Variants in RAB42 observed in about 807,000 individuals in gnomAD.
RAB42 encodes the protein ras-related protein Rab-42.
In RAB42, 4 loss-of-function variants were observed where a neutral mutation model predicts 7.5. That is an observed-to-expected ratio of 0.53 (90% CI 0.26 to 1.22). The LOEUF (loss-of-function observed/expected upper bound fraction) is 1.22. RAB42 is among the 50% of genes most tolerant of loss of function. The pLI is 0.13. For synonymous variants in RAB42, 82 were observed against 129.0 expected, an observed-to-expected ratio of 0.64 and a Z score of 2.47; for missense variants, 208 against 281.2, an observed-to-expected ratio of 0.74 and a Z score of 1.86.
chr1:28,593,508 G>A (rs1003226400), intron 1 of RAB42, among the ~76,000 whole-genome samples, 186 bp from the exon 2 acceptor site: 1 of 152,172 alleles, frequency 6.6e-6, no homozygotes. Flanking sequence ...CACCGCACCC[G>A]GCCAGCACCC....
In RAB42 at chr1:28,592,471, G is replaced by C. The variant is rs967467999; in HGVS notation, c.-41G>C. 30 of 1,098,298 alleles carry C rather than the reference G, an allele frequency of 2.7e-5. No homozygotes were observed. In the African/African-American group the frequency reaches 3.3e-4, roughly 12 times the overall value. The allele number at this position is 1,098,298 out of a possible 1,614,324, so 68.0% of individuals were successfully genotyped here. On this transcript the variant is annotated 5_prime_UTR_variant, in exon 1 of 2. Coordinates refer to ENST00000465518, the MANE Select transcript of RAB42 (RefSeq NM_001193532.3). This position sits in a 1 kb window ranked among gnomAD's most constrained non-coding sequence, Gnocchi z 4.1. ...CCGGGCAGGGGCGGGGTCGGGGCGC[G>C]GACAAAACCGCCGCGGGGCGGCGGG...
At position 28,592,773 on chromosome 1, in the gene RAB42, T is replaced by C. The variant is rs528680167; in HGVS notation, c.233+29T>C. 1.5e-3 allele frequency: 1,651 copies of C among 1,106,270 alleles called. 2 individuals are homozygous for C. The highest frequency in any genetic ancestry group is 1.7e-3 in the Non-Finnish European group (1,522 of 873,878). 68.5% of individuals were successfully genotyped at this position (1,106,270 alleles called of 1,614,324 possible). Reference sequence around the variant, plus strand: ...CGGGTAGCCGGGGCGCGGGAGGGACTTCTGGTGGGGGGCTCGGTGAGCGTG... The same window carrying C: ...CGGGTAGCCGGGGCGCGGGAGGGACCTCTGGTGGGGGGCTCGGTGAGCGTG... On this transcript the variant is annotated intron_variant, in intron 1 of 1. Transcript: ENST00000465518. The surrounding 1 kb of genome is among the most constrained non-coding windows in gnomAD (Gnocchi z 4.1).
intron 1 of RAB42, among the ~76,000 whole-genome samples, chr1:28,593,358 C>G (rs1014608449): frequency 3.9e-5 from 6 of 152,130 alleles, no homozygotes; most frequent in Non-Finnish European, 8.8e-5. Context: ...CGCCCGCCAC[C>G]ACGCCCGGCT....
chr1:28,594,118 C>A lies in RAB42; in HGVS notation c.*1C>A. 6.4e-7 allele frequency: 1 copy of A among 1,573,286 alleles called. No individual in the cohort carries two copies. Among genetic ancestry groups the A allele is most frequent in the African/African-American group, 1.3e-5 (1 of 74,104 alleles). The stretch of plus-strand genomic sequence containing the variant: ...GCACTCAGGCCCATGCCAGTGTTGA[C>A]TCTAGGAGAGAAAGGGTTAAAGCAG... On this transcript the variant is annotated 3_prime_UTR_variant, in exon 2 of 2. Transcript: ENST00000465518.
rs1666337814 is a variant in RAB42, at chr1:28,592,547, C to T, written c.36C>T (p.Val12=). 4.1e-6 allele frequency: 5 copies of T among 1,214,630 alleles called. No individual in the cohort carries two copies. Among genetic ancestry groups the T allele is most frequent in the South Asian group, 4.1e-5 (1 of 24,214 alleles). The allele number at this position is 1,214,630 out of a possible 1,614,324, so 75.2% of individuals were successfully genotyped here. A position where few individuals can be genotyped will look rare whatever the true frequency, so the allele number is the denominator to read the frequency against. ...EAEGCRYQFR[V]ALLGDAAVGK... The stretch of plus-strand genomic sequence containing the variant: ...AGGGCTGCCGCTACCAATTTCGGGT[C>T]GCGCTGCTGGGGGACGCGGCGGTGG... Residue 12 remains valine (V), a synonymous_variant, in exon 1 of 2, where the codon GTC becomes GTT. Transcript: ENST00000465518. This position sits in a 1 kb window ranked among gnomAD's most constrained non-coding sequence, Gnocchi z 4.1.
At position 28,592,653 on chromosome 1, in the gene RAB42, G is replaced by C. The variant is rs1666342536; in HGVS notation, c.142G>C (p.Gly48Arg). 29 of 1,227,226 alleles carry C rather than the reference G, an allele frequency of 2.4e-5. No homozygotes were observed. Among genetic ancestry groups the C allele is most frequent in the South Asian group, 2.1e-4 (5 of 24,292 alleles). 76.0% of individuals were successfully genotyped at this position (1,227,226 alleles called of 1,614,324 possible). Residue 48 changes from glycine to arginine, a missense_variant, in exon 1 of 2, where the codon GGC (glycine) becomes CGC (arginine). Coordinates refer to ENST00000465518, the MANE Select transcript of RAB42 (RefSeq NM_001193532.3). This position sits in a 1 kb window ranked among gnomAD's most constrained non-coding sequence, Gnocchi z 4.1. Reference protein sequence around the residue: ...EPEPEPEPTVGAECYRRALQL... With the variant: ...EPEPEPEPTVRAECYRRALQL... ...GGAGCCCGAGCCCGAGCCCACGGTGGGCGCCGAGTGCTACCGCCGCGCGCT... is the reference window on the plus strand; with the variant it reads ...GGAGCCCGAGCCCGAGCCCACGGTGCGCGCCGAGTGCTACCGCCGCGCGCT...
Position 28,594,288 on chromosome 1 carries a change from C to A in RAB42, c.*171C>A. On this transcript the variant is annotated 3_prime_UTR_variant, in exon 2 of 2. Transcript: ENST00000465518. ...GAGGCTTTCTACAGAAAAGAAAGTT[C>A]TGATGGCCAGGCATGGTGGCTCACG... is the stretch of plus-strand genomic sequence containing the variant. 1 of 712,018 alleles carries A rather than the reference C, an allele frequency of 1.4e-6. No homozygotes were observed. The highest frequency in any genetic ancestry group is 2.2e-6 in the Non-Finnish European group (1 of 445,058). The allele number at this position is 712,018 out of a possible 1,614,324, so 44.1% of individuals were successfully genotyped here.
intron 1 of RAB42, 77 bp from the exon 2 acceptor site, chr1:28,593,617 A>G: frequency 1.4e-6 from 2 of 1,414,276 alleles, no homozygotes; most frequent in Non-Finnish European, 1.9e-6. Context: ...TCCCAGGGGG[A>G]GGAGGTCCTG....
In RAB42 at chr1:28,594,175, A is replaced by C. The variant is rs1382551034; in HGVS notation, c.*58A>C. On this transcript the variant is annotated 3_prime_UTR_variant, in exon 2 of 2. Transcript: ENST00000465518. ...CCTTAGCCCACCTGGTGGGATGGGG[A>C]GTGTTAATATCTCTCTGGAGGACAA... is the stretch of plus-strand genomic sequence containing the variant. 6.9e-7 allele frequency: 1 copy of C among 1,443,360 alleles called. No individual in the cohort carries two copies. Among genetic ancestry groups the C allele is most frequent in the Admixed American group, 2.4e-5 (1 of 41,426 alleles). 89.4% of individuals were successfully genotyped at this position (1,443,360 alleles called of 1,614,324 possible).
In RAB42 at chr1:28,593,611, A is replaced by AG. The variant is rs1181820905; in HGVS notation, c.234-78dup. On this transcript the variant is annotated intron_variant, in intron 1 of 1. Transcript: ENST00000465518. ...GGGTGTGAGGCATTCTGTGGATCCC[A>AG]GGGGGAGGAGGTCCTGCCTCTGGGG... 2.2e-5 allele frequency: 31 copies of AG among 1,399,286 alleles called. No individual in the cohort carries two copies. The South Asian group carries it at 2.4e-4, about 11-fold the overall frequency. The allele number at this position is 1,399,286 out of a possible 1,614,324, so 86.7% of individuals were successfully genotyped here.
chr1:28,596,634 A>C (rs1331967260), downstream of RAB42, among the ~76,000 whole-genome samples: 1 of 152,150 alleles, frequency 6.6e-6, no homozygotes, highest in African/African-American at 2.4e-5. Flanking sequence ...AAAACAAATA[A>C]ATAAAAATAA....
Position 28,593,799 on chromosome 1 carries a change from C to T in RAB42, c.339C>T (p.Val113=). 1.9e-6 allele frequency: 3 copies of T among 1,558,064 alleles called. No homozygotes were observed. Among genetic ancestry groups the T allele is most frequent in the Non-Finnish European group, 2.6e-6 (3 of 1,150,726 alleles). ...FEHIQDWHQE[V]MATQGPDKVI... ...ACATCCAAGACTGGCACCAGGAGGTCATGGCCACTCAGGGCCCGGACAAGG... is the reference window on the plus strand; with the variant it reads ...ACATCCAAGACTGGCACCAGGAGGTTATGGCCACTCAGGGCCCGGACAAGG... The change falls in exon 2 of 2, where the codon GTC becomes GTT. Residue 113 remains valine, a synonymous_variant. Coordinates refer to ENST00000465518, the MANE Select transcript of RAB42 (RefSeq NM_001193532.3).
At chr1:28,596,504 C>A (rs1666435305), downstream of RAB42, among the ~76,000 whole-genome samples, 1 of 152,140 alleles carries the variant, frequency 6.6e-6, no homozygotes, top group Non-Finnish European at 1.5e-5. Context: ...TACCTGTAAT[C>A]CCAGCTACCG....
intron 1 of RAB42, 57 bp from the exon 2 acceptor site, chr1:28,593,637 G>C: frequency 2.0e-6 from 3 of 1,468,196 alleles, no homozygotes; most frequent in African/African-American, 1.4e-5. Flanking sequence ...GCCTCTGGGG[G>C]TGTCATGGAG....
intron 1 of RAB42, among the ~76,000 whole-genome samples, chr1:28,593,453 C>A (rs1666364066): frequency 6.6e-6 from 1 of 152,142 alleles, no homozygotes; most frequent in African/African-American, 2.4e-5. Context: ...TGATCCACAT[C>A]CACCCGCCTC....
In RAB42 at chr1:28,594,098, C is replaced by G; in HGVS notation, c.638C>G (p.Ser213Ter). 6.3e-7 allele frequency: 1 copy of G among 1,597,914 alleles called. No individual in the cohort carries two copies. The highest frequency in any genetic ancestry group is 1.1e-5 in the South Asian group (1 of 87,912). ...AGGTCCCCCAGCAGGAAGCAGCACTCAGGCCCATGCCAGTGTTGACTCTAG... is the reference window on the plus strand; with the variant it reads ...AGGTCCCCCAGCAGGAAGCAGCACTGAGGCCCATGCCAGTGTTGACTCTAG... Reference protein sequence around the residue: ...IPRSPSRKQHSGPCQC With the variant: ...IPRSPSRKQH Residue 213 changes from serine (S) to a stop codon, truncating the protein, a stop_gained, in exon 2 of 2, where the codon TCA becomes TGA. Coordinates refer to ENST00000465518, the MANE Select transcript of RAB42 (RefSeq NM_001193532.3). LOFTEE classifies it high-confidence loss of function.
At position 28,595,350 on chromosome 1, in the gene RAB42, A is replaced by T. The variant is rs1666416436; in HGVS notation, c.*1233A>T. 1 of 167,158 alleles carries T rather than the reference A, an allele frequency of 6.0e-6. No homozygotes were observed. Among genetic ancestry groups the T allele is most frequent in the African/African-American group, 2.4e-5 (1 of 41,470 alleles). The allele number at this position is 167,158 out of a possible 1,614,324, so 10.4% of individuals were successfully genotyped here. ...ATTGAGGACACTGTTGTGACATCAT[A>T]GCCAAGTTATCCCCTTGCCCAATCC... On this transcript the variant is annotated 3_prime_UTR_variant, in exon 2 of 2. Transcript: ENST00000465518.
rs80062115 is a variant in RAB42, at chr1:28,592,312, C to A, written c.-200C>A. The A allele has an allele frequency of 5.6e-3, 1,077 of 194,012 alleles. 8 individuals carry two copies. The highest frequency in any genetic ancestry group is 0.022 in the African/African-American group (952 of 42,578). 12.0% of individuals were successfully genotyped at this position (194,012 alleles called of 1,614,324 possible). A position where few individuals can be genotyped will look rare whatever the true frequency, so the allele number is the denominator to read the frequency against. Reference sequence around the variant, plus strand: ...TGAAGTAGGGGTCATCATTAGCCCCCTTTTACAGAGGAGAGAATTGAGGCT... The same window carrying A: ...TGAAGTAGGGGTCATCATTAGCCCCATTTTACAGAGGAGAGAATTGAGGCT... On this transcript the variant is annotated 5_prime_UTR_variant, in exon 1 of 2. Transcript: ENST00000465518. The surrounding 1 kb of genome is among the most constrained non-coding windows in gnomAD (Gnocchi z 4.1).
chr1:28,592,497 G>C lies in RAB42; in HGVS notation c.-15G>C. 1 of 1,189,114 alleles carries C rather than the reference G, an allele frequency of 8.4e-7. No homozygotes were observed. The highest frequency in any genetic ancestry group is 1.0e-6 in the Non-Finnish European group (1 of 957,844). The allele number at this position is 1,189,114 out of a possible 1,614,324, so 73.7% of individuals were successfully genotyped here. ...GACAAAACCGCCGCGGGGCGGCGGG[G>C]TGGCGGACGCGGCCATGGAGGCCGA... On this transcript the variant is annotated 5_prime_UTR_variant, in exon 1 of 2. Transcript: ENST00000465518. The surrounding 1 kb of genome is among the most constrained non-coding windows in gnomAD (Gnocchi z 4.1).
Sources: gnomAD v4.1 joint callset for allele counts (sites outside exome capture counted in the v4.1 genomes callset) on GRCh38, gnomAD v4.1.1 for gene constraint, Gnocchi (gnomAD v3.1) non-coding constraint, MANE v1.5 for transcripts, NCBI Gene and HGNC (gene_info 2026-07-23, HGNC 2026-07-21) for gene names.